The following NVL variants were observed in gnomAD, a reference collection of about 807,000 sequenced individuals.
NVL encodes the protein nuclear valosin-containing protein-like.
A neutral mutation model predicts 110.2 loss-of-function variants in NVL; 84 were observed. The ratio of observed to expected loss-of-function variants is 0.76; its 90% CI spans 0.64 to 0.91. The LOEUF is 0.91. NVL is among the 40% of genes least tolerant of loss of function. The probability of loss-of-function intolerance (pLI) is 0.00; values close to 1 mark genes in which losing one functional copy is unlikely to be tolerated. For synonymous variants in NVL, 354 were observed against 361.1 expected (o/e 0.98, Z 0.22); for missense variants, 882 against 1,035.9 (o/e 0.85, Z 2.04).
Position 224,233,256 on chromosome 1 carries a change from A to G in NVL, c.2400T>C (p.Ala800=). The G allele has an allele frequency of 1.2e-6, 2 of 1,613,076 alleles. No homozygotes were observed. Among genetic ancestry groups the G allele is most frequent in the Non-Finnish European group, 1.7e-6 (2 of 1,179,720 alleles). Residue 800 remains alanine, a synonymous_variant, in exon 21 of 23, where the codon GCT becomes GCC. Coordinates refer to ENST00000281701, the MANE Select transcript of NVL (RefSeq NM_002533.4). ...GADLSALVRE[A]SICALRQEMA... is the part of the protein sequence containing the mutation. ...TTTCCTGTCTCAGGGCACAGATAGA[A>G]GCTTCTCGTACCAAAGCAGAGAGAT...
intron 19 of NVL, among the ~76,000 whole-genome samples, chr1:224,237,836 C>T (rs1486731132): frequency 6.6e-6 from 1 of 150,720 alleles, no homozygotes; most frequent in East Asian, 2.0e-4. Flanking sequence ...TGCCTGTAAT[C>T]CCAGCTACTC....
chr1:224,290,977 T>A (rs1157344637), intron 12 of NVL, among the ~76,000 whole-genome samples: 3 of 151,656 alleles, frequency 2.0e-5, no homozygotes, highest in African/African-American at 2.4e-5. Context: ...TCGAATAATT[T>A]AAAAAAAAGA....
At chr1:224,270,809 T>C (rs1170961913) in intron 17 of NVL, among the ~76,000 whole-genome samples, 1 of 152,162 alleles carries the variant, frequency 6.6e-6, no homozygotes. Context: ...TACTAAAATG[T>C]AATATGATTT....
chr1:224,327,007 G>A (rs574334205), intron 1 of NVL, among the ~76,000 whole-genome samples: 6 of 152,224 alleles, frequency 3.9e-5, no homozygotes, highest in African/African-American at 1.2e-4. Flanking sequence ...GTTGGATGTG[G>A]TGGCTTGTGC....
intron 20 of NVL, among the ~76,000 whole-genome samples, chr1:224,235,231 G>A (rs549125012): frequency 6.6e-6 from 1 of 152,032 alleles, no homozygotes; most frequent in East Asian, 1.9e-4. Context: ...GCAGTGACAC[G>A]ATCTCAGCTC....
chr1:224,287,948 G>C lies in NVL; in HGVS notation c.1621C>G (p.Leu541Val), dbSNP rs1328826678. 2 of 1,613,734 alleles carry C rather than the reference G, an allele frequency of 1.2e-6. No homozygotes were observed. Among genetic ancestry groups the C allele is most frequent in the East Asian group, 2.2e-5 (1 of 44,878 alleles). ...AGTCCTTGCATCTGCTCCTCTGAGA[G>C]GGGATCTTGGTCTCTTAGCAACCCC... is the stretch of plus-strand genomic sequence containing the variant. ...LLGLLRDQDP[L>V]SEEQMQGLCI... The change falls in exon 14 of 23, where the codon CTC (leucine) becomes GTC (valine). Residue 541 changes from leucine to valine, a missense_variant. By Grantham distance (32) the Leu-to-Val change is conservative (BLOSUM62 1). Transcript: ENST00000281701.
chr1:224,259,288 A>G (rs1558267828), intron 18 of NVL, among the ~76,000 whole-genome samples: 2 of 152,052 alleles, frequency 1.3e-5, no homozygotes, highest in Non-Finnish European at 2.9e-5. Flanking sequence ...ACGAGGCTTC[A>G]CTGTGTTGGC....
intron 1 of NVL, 77 bp from the exon 2 acceptor site, chr1:224,326,541 C>T: frequency 1.1e-6 from 1 of 907,568 alleles, no homozygotes; most frequent in Non-Finnish European, 1.8e-6. Context: ...ATTGAGCTAT[C>T]TGAACACATT....
chr1:224,288,038 A>C, intron 13 of NVL, 45 bp from the exon 14 acceptor site: 1 of 1,390,354 alleles, frequency 7.2e-7, no homozygotes, highest in Non-Finnish European at 1.0e-6. Context: ...AAACACCACA[A>C]CAGCTATTGA....
chr1:224,303,998 T>A, intron 8 of NVL, 141 bp from the exon 9 acceptor site: 3 of 870,744 alleles, frequency 3.4e-6, no homozygotes. Context: ...GAATCCTGGC[T>A]CTGGTACCTA....
intron 18 of NVL, among the ~76,000 whole-genome samples, chr1:224,251,037 G>A (rs576822079): frequency 1.7e-4 from 26 of 152,090 alleles, no homozygotes; most frequent in Non-Finnish European, 3.2e-4. Flanking sequence ...ACTTTGGGAG[G>A]CCAAGGCAGG....
At chr1:224,316,125 T>C (rs1350840693) in intron 4 of NVL, among the ~76,000 whole-genome samples, 2 of 152,006 alleles carry the variant, frequency 1.3e-5, no homozygotes, top group East Asian at 1.9e-4. Flanking sequence ...AGTTATGATA[T>C]GCCTCTCCAC....
At chr1:224,282,447 T>C (rs1303029144) in intron 15 of NVL, among the ~76,000 whole-genome samples, 2 of 152,216 alleles carry the variant, frequency 1.3e-5, no homozygotes, top group African/African-American at 4.8e-5. Context: ...ACTCAAGAAA[T>C]ACCTCATGGG....
chr1:224,244,770 C>T (rs546208001), intron 19 of NVL, among the ~76,000 whole-genome samples: 1 of 151,974 alleles, frequency 6.6e-6, no homozygotes, highest in South Asian at 2.1e-4. Context: ...TCACTGCAAT[C>T]CCTGCCTCTT....
intron 18 of NVL, among the ~76,000 whole-genome samples, chr1:224,255,434 C>T (rs1055481993): frequency 1.1e-4 from 17 of 151,932 alleles, no homozygotes; most frequent in African/African-American, 3.4e-4. Context: ...CCTTGTGATC[C>T]GCCCACCTGG....
Position 224,287,775 on chromosome 1 carries a change from C to T in NVL, c.1794G>A (p.Leu598=), listed in dbSNP as rs1238736985. 6.2e-7 allele frequency: 1 copy of T among 1,612,636 alleles called. No homozygotes were observed. The part of the protein sequence containing the change: ...DIREELTMAI[L]APVRNPDQFK... ...AATATTTGGCAGCTGATATACCTAC[C>T]AATATTGCCATGGTGAGCTCCTCTC... The change falls in exon 14 of 23, where the codon TTG becomes TTA. Residue 598 remains leucine, a splice_region_variant and synonymous_variant. Coordinates refer to ENST00000281701, the MANE Select transcript of NVL (RefSeq NM_002533.4).
At position 224,230,690 on chromosome 1, in the gene NVL, A is replaced by G. The variant is rs1659774806; in HGVS notation, c.2526+536T>C. On this transcript the variant is annotated intron_variant, in intron 22 of 22. Transcript: ENST00000281701. ...AAGTTGTTAGAGAATCTAGTTAGGA[A>G]AACTGTGTTCTAGTCCCTAAGAAAC... Among the ~76,000 whole-genome samples, 4 of 152,204 alleles carry G rather than the reference A, an allele frequency of 2.6e-5. No homozygotes were observed. The South Asian group carries it at 8.3e-4, about 31-fold the overall frequency.
At position 224,311,891 on chromosome 1, in the gene NVL, T is replaced by C. The variant is rs766143705; in HGVS notation, c.285-34A>G. 10 of 1,521,564 alleles carry C rather than the reference T, an allele frequency of 6.6e-6. No homozygotes were observed. In the East Asian group the frequency reaches 2.0e-4, roughly 31 times the overall value. The allele number at this position is 1,521,564 out of a possible 1,614,324, so 94.3% of individuals were successfully genotyped here. ...AAGGAGGGAAAAATGTTTTAAAGAC[T>C]TTCTCTCCCATATCCTAAAAAAATG... is the stretch of plus-strand genomic sequence containing the variant. On this transcript the variant is annotated intron_variant, in intron 4 of 22. Coordinates refer to ENST00000281701, the MANE Select transcript of NVL (RefSeq NM_002533.4).
intron 16 of NVL, among the ~76,000 whole-genome samples, chr1:224,276,274 C>T (rs1478126852): frequency 6.6e-6 from 1 of 152,120 alleles, no homozygotes; most frequent in African/African-American, 2.4e-5. Flanking sequence ...GTCTCTCTGT[C>T]AACCAGACAG....
Sources: gnomAD v4.1 joint callset for allele counts (sites outside exome capture counted in the v4.1 genomes callset) on GRCh38, gnomAD v4.1.1 for gene constraint, MANE v1.5 for transcripts, NCBI Gene and HGNC (gene_info 2026-07-23, HGNC 2026-07-21) for gene names.